Variants in DPYD observed in about 807,000 individuals in gnomAD.
The protein encoded by DPYD is dihydropyrimidine dehydrogenase, also known as dihydropyrimidine dehydrogenase [NADP(+)].
Under a neutral mutation model 116.2 loss-of-function variants are expected in DPYD, and 109 were observed. The ratio of observed to expected loss-of-function variants is 0.94; its 90% CI spans 0.80 to 1.10. The LOEUF (loss-of-function observed/expected upper bound fraction) is 1.10, where lower values mean the gene tolerates loss of function less well. Ranked by LOEUF, DPYD falls within the 50% of genes least tolerant of loss-of-function variation. The pLI is 0.00. For missense variants in DPYD, 1,302 were observed against 1,254.5 expected, an observed-to-expected ratio of 1.04 and a Z score of -0.57; for synonymous variants, 440 against 432.0, an observed-to-expected ratio of 1.02 and a Z score of -0.23.
chr1:97,699,425 AC>A lies in DPYD; in HGVS notation c.605del (p.Cys202LeufsTer25). 6.2e-7 allele frequency: 1 copy of A among 1,613,776 alleles called. No individual in the cohort carries two copies. Among genetic ancestry groups the A allele is most frequent in the Non-Finnish European group, 8.5e-7 (1 of 1,179,738 alleles). On this transcript the variant is annotated frameshift_variant, in exon 6 of 23. Transcript: ENST00000370192. LOFTEE classifies it high-confidence loss of function. Reference protein sequence around the residue: ...LFGAGPASISCASFLARLGYS... With the variant: ...LFGAGPASISXASFLARLGYS... ...ACCCCAATCGAGCCAAAAAGGAAGC[AC>A]AACTTATACTTGCAGGCCCAGCACC...
chr1:97,479,546 C>T (rs1678182565), intron 13 of DPYD, among the ~76,000 whole-genome samples: 1 of 152,138 alleles, frequency 6.6e-6, no homozygotes, highest in Admixed American at 6.5e-5. Context: ...ATGACCCTAA[C>T]AGACATAATA....
chr1:97,151,284 G>A (rs993151487), intron 20 of DPYD, among the ~76,000 whole-genome samples: 1 of 152,136 alleles, frequency 6.6e-6, no homozygotes, highest in African/African-American at 2.4e-5. Flanking sequence ...GAGCTCTTTT[G>A]ATTCTTTACA....
intron 3 of DPYD, among the ~76,000 whole-genome samples, chr1:97,751,844 C>T (rs1664946501): frequency 6.6e-6 from 1 of 151,244 alleles, no homozygotes; most frequent in Non-Finnish European, 1.5e-5. Context: ...CTCACTGTGA[C>T]CTCTGCCTCC....
intron 20 of DPYD, among the ~76,000 whole-genome samples, chr1:97,152,439 T>TACACACAC (rs71590217): frequency 0.12 from 17,718 of 145,182 alleles, 1,251 homozygotes; most frequent in East Asian, 0.25. Flanking sequence ...CTGAATCACA[T>TACACACAC]ACACACACAC....
intron 8 of DPYD, among the ~76,000 whole-genome samples, chr1:97,644,932 A>G (rs1658167893): frequency 6.6e-6 from 1 of 152,134 alleles, no homozygotes; most frequent in Non-Finnish European, 1.5e-5. Context: ...TTTTTAATGC[A>G]TACACAAGAA....
chr1:97,853,928 A>G (rs1200046884), intron 2 of DPYD, among the ~76,000 whole-genome samples: 1 of 152,230 alleles, frequency 6.6e-6, no homozygotes, highest in Non-Finnish European at 1.5e-5. Flanking sequence ...TGGCCAAAAA[A>G]GAATCTCATA....
intron 1 of DPYD, chr1:97,883,977 A>G (rs1402991744): frequency 3.1e-6 from 1 of 325,982 alleles, no homozygotes; most frequent in Non-Finnish European, 5.8e-6. Context: ...GAAAATTTAT[A>G]TGGAAAAAGT....
chr1:97,166,513 T>C (rs913110625), intron 20 of DPYD, among the ~76,000 whole-genome samples: 2 of 152,092 alleles, frequency 1.3e-5, no homozygotes, highest in African/African-American at 2.4e-5. Flanking sequence ...GGGGCCCCCA[T>C]GACATGAGTT....
intron 16 of DPYD, among the ~76,000 whole-genome samples, chr1:97,362,809 G>A (rs897089154): frequency 6.6e-6 from 1 of 151,934 alleles, no homozygotes; most frequent in African/African-American, 2.4e-5. Context: ...AATTCAAGAT[G>A]GATTAAAGAC....
chr1:97,606,284 T>C (rs1214690675), intron 8 of DPYD, among the ~76,000 whole-genome samples: 2 of 151,968 alleles, frequency 1.3e-5, no homozygotes, highest in Non-Finnish European at 2.9e-5. Context: ...CTAAACACCA[T>C]ATTAGGTGCT....
intron 13 of DPYD, among the ~76,000 whole-genome samples, chr1:97,509,865 TA>T (rs1647642006): frequency 6.6e-6 from 1 of 151,822 alleles, no homozygotes; most frequent in Non-Finnish European, 1.5e-5. Flanking sequence ...TATCCAAAAA[TA>T]AAAGAAATCT....
intron 8 of DPYD, among the ~76,000 whole-genome samples, chr1:97,600,136 G>A (rs1655158957): frequency 6.6e-6 from 1 of 152,078 alleles, no homozygotes; most frequent in African/African-American, 2.4e-5. Context: ...TCACACAGGT[G>A]CTTTTTCAAT....
At chr1:97,649,178 G>T (rs1210019929) in intron 8 of DPYD, among the ~76,000 whole-genome samples, 1 of 151,986 alleles carries the variant, frequency 6.6e-6, no homozygotes, top group Non-Finnish European at 1.5e-5. Flanking sequence ...AATTGAGGAA[G>T]CAATTTTTAG....
At chr1:97,499,141 A>G (rs976468580) in intron 13 of DPYD, among the ~76,000 whole-genome samples, 1 of 151,766 alleles carries the variant, frequency 6.6e-6, no homozygotes, top group Admixed American at 6.6e-5. Context: ...CAGGAGATAT[A>G]TCTTTAAATA....
At chr1:97,680,351 C>A (rs1660366568) in intron 7 of DPYD, among the ~76,000 whole-genome samples, 1 of 152,118 alleles carries the variant, frequency 6.6e-6, no homozygotes, top group Non-Finnish European at 1.5e-5. Context: ...TTTAATCCAC[C>A]AGCCTGTCCC....
intron 14 of DPYD, among the ~76,000 whole-genome samples, chr1:97,383,848 C>T (rs1385062736): frequency 1.3e-5 from 2 of 152,132 alleles, no homozygotes; most frequent in East Asian, 3.9e-4. Context: ...TAGCTCACGC[C>T]TGTAATCCCA....
At chr1:97,645,410 G>A (rs1658199234) in intron 8 of DPYD, among the ~76,000 whole-genome samples, 1 of 151,956 alleles carries the variant, frequency 6.6e-6, no homozygotes, top group South Asian at 2.1e-4. Flanking sequence ...TTCCTTTTTT[G>A]TGAAATATAT....
chr1:97,208,492 C>T (rs1364566347), intron 19 of DPYD, among the ~76,000 whole-genome samples: 6 of 151,736 alleles, frequency 4.0e-5, no homozygotes, highest in African/African-American at 1.2e-4. Context: ...TGCTATGTTG[C>T]CCAGGCTGAT....
intron 20 of DPYD, among the ~76,000 whole-genome samples, chr1:97,171,459 T>C (rs923153763): frequency 6.6e-6 from 1 of 152,052 alleles, no homozygotes; most frequent in South Asian, 2.1e-4. Flanking sequence ...AAACAATGAT[T>C]CTCTCTGGAC....
Sources: gnomAD v4.1 joint callset for allele counts (sites outside exome capture counted in the v4.1 genomes callset) on GRCh38, gnomAD v4.1.1 for gene constraint, MANE v1.5 for transcripts, NCBI Gene and HGNC (gene_info 2026-07-23, HGNC 2026-07-21) for gene names.